The following SMURF1 variants were observed in gnomAD, a reference collection of about 807,000 sequenced individuals.
The protein encoded by SMURF1 is SMAD specific E3 ubiquitin protein ligase 1.
In SMURF1, 44 loss-of-function variants were observed where a neutral mutation model predicts 98.0. The observed-to-expected ratio is 0.45, with a 90% CI of 0.35 to 0.58. The LOEUF (loss-of-function observed/expected upper bound fraction) is 0.58, where lower values mean the gene tolerates loss of function less well. Among genes scored for constraint, SMURF1 ranks in the 20% least tolerant of loss-of-function variants. The probability of loss-of-function intolerance (pLI) is 0.00; values close to 1 mark genes in which losing one functional copy is unlikely to be tolerated. For synonymous variants in SMURF1, 396 were observed against 374.9 expected (o/e 1.06, Z -0.65); for missense variants, 687 against 938.4 (o/e 0.73, Z 3.50).
In SMURF1 at chr7:99,040,380, G is replaced by A; in HGVS notation, c.1548C>T (p.Ile516=). Residue 516 remains isoleucine, a splice_region_variant and synonymous_variant, in exon 13 of 18, where the codon ATC becomes ATT. Coordinates refer to ENST00000361368, the MANE Select transcript of SMURF1 (RefSeq NM_181349.3). ...ACCGGCCGTCAGTCAATACTTACAG[G>A]ATCCACACCAAGCTCTTATGCAGCT... ...DPELHKSLVW[I]LENDITPVLD... The A allele has an allele frequency of 6.6e-7, 1 of 1,516,392 alleles. No homozygotes were observed. Among genetic ancestry groups the A allele is most frequent in the South Asian group, 1.3e-5 (1 of 76,360 alleles). 93.9% of individuals were successfully genotyped at this position (1,516,392 alleles called of 1,614,324 possible). A position where few individuals can be genotyped will look rare whatever the true frequency, so the allele number is the denominator to read the frequency against.
intron 1 of SMURF1, among the ~76,000 whole-genome samples, chr7:99,071,708 T>C (rs1180927891): frequency 2.0e-5 from 3 of 152,158 alleles, no homozygotes; most frequent in Admixed American, 6.6e-5. Flanking sequence ...TTAAAGTCTA[T>C]CTATATAGGA....
intron 1 of SMURF1, among the ~76,000 whole-genome samples, chr7:99,139,493 T>C (rs1241946118): frequency 6.6e-6 from 1 of 152,228 alleles, no homozygotes; most frequent in Non-Finnish European, 1.5e-5. Context: ...AAAATTTAAT[T>C]TTCTTGAAGA....
chr7:99,048,582 A>G (rs1239600095), intron 9 of SMURF1: 2 of 152,456 alleles, frequency 1.3e-5, no homozygotes, highest in Non-Finnish European at 2.9e-5. Flanking sequence ...AGGAGGTAAC[A>G]GTGGAGAACT....
At chr7:99,046,186 T>TA (rs1795566936) in intron 10 of SMURF1, among the ~76,000 whole-genome samples, 1 of 152,180 alleles carries the variant, frequency 6.6e-6, no homozygotes, top group Non-Finnish European at 1.5e-5. Flanking sequence ...GTCTGAATGC[T>TA]AAGAGAGTTC....
intron 1 of SMURF1, among the ~76,000 whole-genome samples, chr7:99,097,552 T>A (rs893394290): frequency 7.2e-5 from 11 of 152,212 alleles, no homozygotes; most frequent in Non-Finnish European, 2.9e-5. Flanking sequence ...CCTTCCATCT[T>A]TCACTATGGA....
intron 1 of SMURF1, among the ~76,000 whole-genome samples, chr7:99,102,010 C>T (rs1797093707): frequency 6.6e-6 from 1 of 151,592 alleles, no homozygotes; most frequent in African/African-American, 2.4e-5. Flanking sequence ...TGTCTAGGCA[C>T]ATTCAAAGAC....
chr7:99,117,179 C>A (rs1332614839), intron 1 of SMURF1, among the ~76,000 whole-genome samples: 1 of 151,668 alleles, frequency 6.6e-6, no homozygotes, highest in East Asian at 1.9e-4. Context: ...TCTGGACCCC[C>A]CTATGTCACA....
intron 11 of SMURF1, among the ~76,000 whole-genome samples, chr7:99,042,755 A>C (rs898099270): frequency 6.6e-6 from 1 of 152,250 alleles, no homozygotes; most frequent in African/African-American, 2.4e-5. Flanking sequence ...AGATCTACGA[A>C]GAGTCTTCTA....
chr7:99,040,291 A>G (rs577915630), intron 13 of SMURF1, 87 bp downstream of exon 13: 6 of 1,254,970 alleles, frequency 4.8e-6, no homozygotes, highest in Admixed American at 3.1e-5. Context: ...AAATACACAC[A>G]CACGCGCGCG....
At chr7:99,054,135 C>A (rs576727672) in intron 6 of SMURF1, among the ~76,000 whole-genome samples, 2 of 151,996 alleles carry the variant, frequency 1.3e-5, no homozygotes, top group African/African-American at 4.8e-5. Context: ...GACAAAGTCT[C>A]GCTATGTTGC....
chr7:99,140,280 C>CT (rs1798086991), intron 1 of SMURF1, among the ~76,000 whole-genome samples: 10 of 110,842 alleles, frequency 9.0e-5, no homozygotes, highest in African/African-American at 2.8e-4. Flanking sequence ...TCTTCAGTAT[C>CT]CTTTTTTTTT....
At chr7:99,035,915 CG>C (rs1562996749) in intron 15 of SMURF1, 199 bp from the exon 16 acceptor site, 1 of 602,126 alleles carries the variant, frequency 1.7e-6, no homozygotes, top group African/African-American at 1.9e-5. Context: ...CTCCTCCAAA[CG>C]GGTCTCCAAC....
intron 1 of SMURF1, among the ~76,000 whole-genome samples, chr7:99,093,182 C>T (rs900917023): frequency 2.0e-5 from 3 of 152,158 alleles, no homozygotes; most frequent in South Asian, 2.1e-4. Flanking sequence ...CACACAAAAA[C>T]ACACACTGTT....
chr7:99,038,508 G>A lies in SMURF1; in HGVS notation c.1568C>T (p.Pro523Leu), dbSNP rs764179398. Residue 523 changes from proline to leucine, a missense_variant, in exon 14 of 18, where the codon CCT (proline) becomes CTT (leucine). By Grantham distance (98) the Pro-to-Leu change is moderately conservative. Transcript: ENST00000361368. ...CACGCAGAAGGTGTGGTCCAGTACA[G>A]GCGTGATGTCGTTCTCTCTGTTGAA... ...LVWILENDIT[P>L]VLDHTFCVEH... 6.2e-7 allele frequency: 1 copy of A among 1,614,136 alleles called. No individual in the cohort carries two copies. The highest frequency in any genetic ancestry group is 8.5e-7 in the Non-Finnish European group (1 of 1,179,996).
At chr7:99,090,579 A>G (rs1309606848) in intron 1 of SMURF1, among the ~76,000 whole-genome samples, 1 of 152,096 alleles carries the variant, frequency 6.6e-6, no homozygotes, top group Non-Finnish European at 1.5e-5. Flanking sequence ...AATAAAATTA[A>G]TCTCTGCCTT....
chr7:99,035,483 T>C (rs1387060111), intron 16 of SMURF1, 32 bp downstream of exon 16: 2 of 1,612,054 alleles, frequency 1.2e-6, no homozygotes, highest in African/African-American at 1.3e-5. Flanking sequence ...CATAGACGCG[T>C]CATCGAATAG....
chr7:99,126,453 C>T (rs1441541720), intron 1 of SMURF1, among the ~76,000 whole-genome samples: 1 of 150,630 alleles, frequency 6.6e-6, no homozygotes, highest in Non-Finnish European at 1.5e-5. Context: ...GTCAGATGTT[C>T]GAGACCAGCC....
At chr7:99,051,112 G>A (rs758988288) in intron 8 of SMURF1, 27 of 957,710 alleles carry the variant, frequency 2.8e-5, no homozygotes, top group African/African-American at 4.9e-5. Context: ...AGGAATTGCT[G>A]TGTAACCAAC....
At chr7:99,043,109 C>A (rs370274743) in intron 11 of SMURF1, among the ~76,000 whole-genome samples, 1 of 152,254 alleles carries the variant, frequency 6.6e-6, no homozygotes, top group South Asian at 2.1e-4. Flanking sequence ...AAGACAAAGA[C>A]CTCCAGTTGT....
Sources: gnomAD v4.1 joint callset for allele counts (sites outside exome capture counted in the v4.1 genomes callset) on GRCh38, gnomAD v4.1.1 for gene constraint, MANE v1.5 for transcripts, NCBI Gene and HGNC (gene_info 2026-07-23, HGNC 2026-07-21) for gene names.